The following CDKN2B-AS1 variants were observed in gnomAD, a reference collection of about 807,000 sequenced individuals.
CDKN2B-AS1 encodes the protein CDKN2B and CDKN2A antisense cis and trans regulatory RNA 1.
At chr9:22,002,174 G>A (rs1368551128) in intron 1 of CDKN2B-AS1, among the ~76,000 whole-genome samples, 1 of 151,974 alleles carries the variant, frequency 6.6e-6, no homozygotes, top group East Asian at 1.9e-4. Context: ...TAGTAAACGT[G>A]TCAGAATTTG....
chr9:22,097,480 T>C (rs1247650842), intron 4 of CDKN2B-AS1: 1 of 152,236 alleles, frequency 6.6e-6, no homozygotes, highest in Non-Finnish European at 1.5e-5. Context: ...CAAACCTTTG[T>C]GCTTATAACT....
chr9:22,049,454 A>G (rs1823245005), intron 3 of CDKN2B-AS1, among the ~76,000 whole-genome samples: 1 of 141,002 alleles, frequency 7.1e-6, no homozygotes. Flanking sequence ...TTCCTTGTGA[A>G]GCTTCTTTTG....
intron 4 of CDKN2B-AS1, among the ~76,000 whole-genome samples, chr9:22,077,313 CT>C: frequency 6.6e-6 from 1 of 152,018 alleles, no homozygotes; most frequent in Non-Finnish European, 1.5e-5. Context: ...ATGTTTTGCA[CT>C]TTTTTCATGT....
At chr9:22,070,905 G>A (rs916790701) in intron 4 of CDKN2B-AS1, among the ~76,000 whole-genome samples, 1 of 152,104 alleles carries the variant, frequency 6.6e-6, no homozygotes, top group African/African-American at 2.4e-5. Context: ...CAGAGGATTT[G>A]AATTTAGGAA....
intron 4 of CDKN2B-AS1, among the ~76,000 whole-genome samples, chr9:22,096,052 G>A (rs1351537799): frequency 6.6e-6 from 1 of 152,094 alleles, no homozygotes; most frequent in Non-Finnish European, 1.5e-5. Flanking sequence ...TAAGCTGAGT[G>A]TTGAGACATA....
At chr9:22,065,068 C>G (rs933896289) in intron 4 of CDKN2B-AS1, among the ~76,000 whole-genome samples, 1 of 152,150 alleles carries the variant, frequency 6.6e-6, no homozygotes, top group East Asian at 1.9e-4. Flanking sequence ...TTTAACAAAG[C>G]CAAGATTCTA....
chr9:22,079,300 A>C (rs546365272), intron 4 of CDKN2B-AS1, among the ~76,000 whole-genome samples: 66 of 152,306 alleles, frequency 4.3e-4, no homozygotes, highest in African/African-American at 1.6e-3. Context: ...CCTGGCCAAC[A>C]TGGTGAAAAC....
intron 4 of CDKN2B-AS1, among the ~76,000 whole-genome samples, chr9:22,078,946 A>G (rs150128713): frequency 3.6e-4 from 55 of 152,296 alleles, no homozygotes; most frequent in African/African-American, 1.2e-3. Flanking sequence ...ACTCACTTTT[A>G]CTGAGTTTGT....
intron 4 of CDKN2B-AS1, among the ~76,000 whole-genome samples, chr9:22,087,109 G>T (rs1171940988): frequency 6.6e-6 from 1 of 152,200 alleles, no homozygotes; most frequent in African/African-American, 2.4e-5. Context: ...GGCCATGGTG[G>T]TAACTCCCCT....
intron 1 of CDKN2B-AS1, among the ~76,000 whole-genome samples, chr9:22,033,191 A>G (rs189059115): frequency 3.2e-4 from 48 of 152,238 alleles, no homozygotes; most frequent in Middle Eastern, 3.4e-3. Flanking sequence ...AGAAGAATTG[A>G]CTTTTACGAA....
intron 4 of CDKN2B-AS1, among the ~76,000 whole-genome samples, chr9:22,083,837 G>C (rs1409816879): frequency 6.6e-6 from 1 of 152,206 alleles, no homozygotes; most frequent in Non-Finnish European, 1.5e-5. Flanking sequence ...CTAACGCTTA[G>C]AACAGAGGTC....
chr9:22,047,291 A>G (rs962153501), intron 2 of CDKN2B-AS1, among the ~76,000 whole-genome samples: 3 of 152,104 alleles, frequency 2.0e-5, no homozygotes, highest in African/African-American at 7.2e-5. Flanking sequence ...GGAGACACTC[A>G]TTATTTGCAT....
At chr9:22,077,732 G>A (rs1263668696) in intron 4 of CDKN2B-AS1, 1 of 152,150 alleles carries the variant, frequency 6.6e-6, no homozygotes, top group African/African-American at 2.4e-5. Flanking sequence ...AAGGACATTG[G>A]ACAAAAACAC....
chr9:22,046,710 A>T (rs1563944597), intron 1 of CDKN2B-AS1: 1 of 152,160 alleles, frequency 6.6e-6, no homozygotes, highest in African/African-American at 2.4e-5. Context: ...GTCCAACCAA[A>T]GGATTAATTA....
intron 1 of CDKN2B-AS1, among the ~76,000 whole-genome samples, chr9:22,023,085 T>C (rs1563928278): frequency 1.3e-5 from 2 of 152,176 alleles, no homozygotes; most frequent in Non-Finnish European, 2.9e-5. Context: ...TTAGAGAATA[T>C]GATGATTATG....
At chr9:22,021,021 G>A (rs1210518114) in intron 1 of CDKN2B-AS1, among the ~76,000 whole-genome samples, 3 of 152,104 alleles carry the variant, frequency 2.0e-5, no homozygotes, top group Admixed American at 6.6e-5. Flanking sequence ...TTACATTTAA[G>A]TCTTTACTCT....
At position 22,001,923 on chromosome 9, in the gene CDKN2B-AS1, C is replaced by T. The variant is rs761032479; in HGVS notation, n.29+6762C>T. Among the ~76,000 whole-genome samples, 1 of 152,086 alleles carries T rather than the reference C, an allele frequency of 6.6e-6. No individual in the cohort carries two copies. The highest frequency in any genetic ancestry group is 1.5e-5 in the Non-Finnish European group (1 of 67,940). ...TCCTTGTTTCACTTTTCTTCATTCCCTCTTTCTTTCCTGTCGTTATAAGTA... is the reference window on the plus strand; with the variant it reads ...TCCTTGTTTCACTTTTCTTCATTCCTTCTTTCTTTCCTGTCGTTATAAGTA... On this transcript the variant is annotated intron_variant and non_coding_transcript_variant, in intron 1 of 4. Coordinates refer to ENST00000650946, the Ensembl canonical transcript of CDKN2B-AS1. This position sits in a 1 kb window ranked among gnomAD's most constrained non-coding sequence, Gnocchi z 4.2.
intron 4 of CDKN2B-AS1, among the ~76,000 whole-genome samples, chr9:22,112,885 T>C (rs2131369105): frequency 6.6e-6 from 1 of 152,232 alleles, no homozygotes; most frequent in South Asian, 2.1e-4. Flanking sequence ...CTAAAATAAA[T>C]TGTGCTAAGA....
chr9:22,109,166 G>A (rs1825737935), intron 4 of CDKN2B-AS1, among the ~76,000 whole-genome samples: 1 of 152,158 alleles, frequency 6.6e-6, no homozygotes, highest in South Asian at 2.1e-4. Flanking sequence ...GTGTTTTGCA[G>A]GTCATGTCAC....
Sources: allele counts gnomAD v4.1 joint callset (sites outside exome capture counted in the v4.1 genomes callset), GRCh38; gene constraint gnomAD v4.1.1; non-coding constraint Gnocchi (gnomAD v3.1); transcripts MANE v1.5; gene names NCBI Gene and HGNC (gene_info 2026-07-23, HGNC 2026-07-21).